Variants in PRDM7 observed in about 807,000 individuals in gnomAD.
PRDM7 encodes histone-lysine N-methyltransferase PRDM7.
PRDM7 carries 52 observed loss-of-function variants against 64.3 expected under a neutral mutation model. The observed-to-expected ratio is 0.81, with a 90% CI of 0.65 to 1.02. The LOEUF is 1.02. PRDM7 is among the 50% of genes least tolerant of loss of function. The pLI, the probability that PRDM7 is intolerant of heterozygous loss-of-function variation, is 0.00. For missense variants in PRDM7, 574 were observed against 597.1 expected (o/e 0.96, Z 0.40); for synonymous variants, 192 against 210.1 (o/e 0.91, Z 0.74).
At chr16:90,061,649 C>T in intron 8 of PRDM7, 130 bp from the exon 9 acceptor site, 1 of 1,194,554 alleles carries the variant, frequency 8.4e-7, no homozygotes, top group Non-Finnish European at 1.2e-6. Flanking sequence ...ATGGCATGCA[C>T]CTTAGTCATC....
intron 1 of PRDM7, among the ~76,000 whole-genome samples, chr16:90,076,496 T>C (rs952762282): frequency 5.3e-5 from 8 of 152,106 alleles, no homozygotes; most frequent in Non-Finnish European, 1.2e-4. Context: ...AAGCTATCTC[T>C]CAGGTTGAGA....
At chr16:90,061,365 T>C (rs2037773411) in intron 9 of PRDM7, 87 bp downstream of exon 9, 14 of 1,358,600 alleles carry the variant, frequency 1.0e-5, no homozygotes, top group South Asian at 9.8e-5. Context: ...GTGAAAATCA[T>C]TGAGGGAGGC....
chr16:90,074,880 T>TAAAA, intron 4 of PRDM7, 36 bp downstream of exon 4: 1 of 1,288,626 alleles, frequency 7.8e-7, no homozygotes, highest in Non-Finnish European at 1.1e-6. Flanking sequence ...ACTCCGTCTT[T>TAAAA]AAAAAAAAAA....
Position 90,066,917 on chromosome 16 carries a change from G to T in PRDM7, c.302-7C>A. ...GCCATCCAAGGAGGTTTGACTAAGA[G>T]GTGATGAGAAATCAGTGGTTTGGTT... On this transcript the variant is annotated splice_polypyrimidine_tract_variant and splice_region_variant and intron_variant, in intron 4 of 10. Coordinates refer to ENST00000449207, the MANE Select transcript of PRDM7 (RefSeq NM_001098173.2). 1 of 1,591,010 alleles carries T rather than the reference G, an allele frequency of 6.3e-7. No homozygotes were observed. The highest frequency in any genetic ancestry group is 8.6e-7 in the Non-Finnish European group (1 of 1,161,766).
rs1338288251 is a variant in PRDM7 at position 90,075,083 on chromosome 16, C to T, written c.194-60G>A. 6.4e-7 allele frequency: 1 copy of T among 1,573,626 alleles called. No homozygotes were observed. Among genetic ancestry groups the T allele is most frequent in the Non-Finnish European group, 8.7e-7 (1 of 1,144,416 alleles). On this transcript the variant is annotated intron_variant, in intron 3 of 10. Transcript: ENST00000449207. This position sits in a 1 kb window ranked among gnomAD's most constrained non-coding sequence, Gnocchi z 4.3. The stretch of plus-strand genomic sequence containing the variant: ...AAGAGCTGGGATGAGGAACAAAGGG[C>T]AGTGGCAATGGAAAGCACCACAAAG...
Position 90,060,406 on chromosome 16 carries a change from T to G in PRDM7, c.1168A>C (p.Ser390Arg). 3.7e-6 allele frequency: 6 copies of G among 1,613,938 alleles called. No homozygotes were observed. Among genetic ancestry groups the G allele is most frequent in the Non-Finnish European group, 5.1e-6 (6 of 1,179,874 alleles). ...AVNCWSGMGM[S>R]MARNWASSGA... ...CTTGATGCCCAGTTCCTGGCCATACTCATCCCCATACCAGACCAGCAGTTC... is the reference window on the plus strand; with the variant it reads ...CTTGATGCCCAGTTCCTGGCCATACGCATCCCCATACCAGACCAGCAGTTC... The change falls in exon 10 of 11, where the codon AGT (serine) becomes CGT (arginine). Residue 390 changes from serine to arginine, a missense_variant. Physicochemically the swap from Ser to Arg is moderately radical, Grantham distance 110 (BLOSUM62 -1). Coordinates refer to ENST00000449207, the MANE Select transcript of PRDM7 (RefSeq NM_001098173.2).
In PRDM7 at chr16:90,063,647, G is replaced by C. The variant is rs1401545386; in HGVS notation, c.473C>G (p.Ala158Gly). The change falls in exon 6 of 11, where the codon GCA (alanine) becomes GGA (glycine). Residue 158 changes from alanine to glycine, a missense_variant. Transcript: ENST00000449207. ...AQKPVSPPGEASTSGQHSRLK... is the reference protein window; with the variant it reads ...AQKPVSPPGEGSTSGQHSRLK... ...TCTAGAGTGCTGTCCAGAGGTACTT[G>C]CTTCTCCAGGAGGGGACACTGGTTT... 3.1e-6 allele frequency: 5 copies of C among 1,613,826 alleles called. No homozygotes were observed. In the South Asian group the frequency reaches 4.4e-5, roughly 14 times the overall value.
chr16:90,071,551 G>A (rs2037956021), intron 4 of PRDM7, among the ~76,000 whole-genome samples: 1 of 152,144 alleles, frequency 6.6e-6, no homozygotes, highest in African/African-American at 2.4e-5. Context: ...ATGGTAGAAG[G>A]GTAAGTGTGC....
chr16:90,075,725 C>T lies in PRDM7; in HGVS notation c.69+117G>A. 1 of 1,379,386 alleles carries T rather than the reference C, an allele frequency of 7.2e-7. No individual in the cohort carries two copies. Among genetic ancestry groups the T allele is most frequent in the Non-Finnish European group, 1.0e-6 (1 of 991,552 alleles). The allele number at this position is 1,379,386 out of a possible 1,614,324, so 85.4% of individuals were successfully genotyped here. A position where few individuals can be genotyped will look rare whatever the true frequency, so the allele number is the denominator to read the frequency against. ...TCCCCCATGTCCTGGCCAGGACCAGCTGCCCCCATTCCATGCACATTCAGA... is the reference window on the plus strand; with the variant it reads ...TCCCCCATGTCCTGGCCAGGACCAGTTGCCCCCATTCCATGCACATTCAGA... On this transcript the variant is annotated intron_variant, in intron 2 of 10. Transcript: ENST00000449207. This position sits in a 1 kb window ranked among gnomAD's most constrained non-coding sequence, Gnocchi z 4.3.
Position 90,060,515 on chromosome 16 carries a change from C to A in PRDM7, c.1059G>T (p.Leu353=), listed in dbSNP as rs768810236. The A allele has an allele frequency of 1.2e-6, 2 of 1,614,018 alleles. No homozygotes were observed. The highest frequency in any genetic ancestry group is 4.5e-5 in the East Asian group (2 of 44,880). ...CATACTCATCCCCAGACCAGACCAGCAGTTCACAGCCTGGCCTAATGACTC... is the reference window on the plus strand; with the variant it reads ...CATACTCATCCCCAGACCAGACCAGAAGTTCACAGCCTGGCCTAATGACTC... ...TCRVIRPGCE[L]LVWSGDEYGQ... Residue 353 remains leucine, a synonymous_variant, in exon 10 of 11, where the codon CTG becomes CTT. Transcript: ENST00000449207.
chr16:90,063,737 G>A lies in PRDM7; in HGVS notation c.383C>T (p.Ser128Phe). Residue 128 changes from serine to phenylalanine, a missense_variant, in exon 6 of 11, where the codon TCT becomes TTT. Coordinates refer to ENST00000449207, the MANE Select transcript of PRDM7 (RefSeq NM_001098173.2). Reference protein sequence around the residue: ...GMPKASFNNESSLRELSGTPN... With the variant: ...GMPKASFNNEFSLRELSGTPN... Reference sequence around the variant, plus strand: ...CGTTCCTGACAATTCTCTCAAACTAGATTCATTATTGAATGACGCCTTGGG... The same window carrying A: ...CGTTCCTGACAATTCTCTCAAACTAAATTCATTATTGAATGACGCCTTGGG... 1 of 1,614,154 alleles carries A rather than the reference G, an allele frequency of 6.2e-7. No homozygotes were observed. The highest frequency in any genetic ancestry group is 2.2e-5 in the East Asian group (1 of 44,884).
chr16:90,075,721 C>T lies in PRDM7; in HGVS notation c.69+121G>A. The T allele has an allele frequency of 1.5e-6, 2 of 1,366,450 alleles. No homozygotes were observed. Among genetic ancestry groups the T allele is most frequent in the Middle Eastern group, 3.6e-4 (2 of 5,572 alleles). The allele number at this position is 1,366,450 out of a possible 1,614,324, so 84.6% of individuals were successfully genotyped here. A position where few individuals can be genotyped will look rare whatever the true frequency, so the allele number is the denominator to read the frequency against. On this transcript the variant is annotated intron_variant, in intron 2 of 10. Coordinates refer to ENST00000449207, the MANE Select transcript of PRDM7 (RefSeq NM_001098173.2). The surrounding 1 kb of genome is among the most constrained non-coding windows in gnomAD (Gnocchi z 4.3). ...TTTCTCCCCCATGTCCTGGCCAGGA[C>T]CAGCTGCCCCCATTCCATGCACATT...
chr16:90,077,117 G>A (rs2038048211), intron 1 of PRDM7, 109 bp downstream of exon 1: 2 of 152,164 alleles, frequency 1.3e-5, no homozygotes, highest in Non-Finnish European at 2.9e-5. Context: ...ATCCCTCAAG[G>A]TGGCAGGATT....
chr16:90,068,647 A>AG, intron 4 of PRDM7, among the ~76,000 whole-genome samples: 2 of 151,212 alleles, frequency 1.3e-5, no homozygotes, highest in East Asian at 3.9e-4. Context: ...AAAAAAAAAA[A>AG]AAAAAGAAGT....
At chr16:90,064,323 TTCTACTTG>T (rs1344879611) in intron 5 of PRDM7, among the ~76,000 whole-genome samples, 2 of 152,226 alleles carry the variant, frequency 1.3e-5, no homozygotes, top group East Asian at 3.8e-4. Flanking sequence ...CCTGTACCAA[TTCTACTTG>T]TCTGCTTGAA....
At chr16:90,066,198 A>T (rs2037869977) in intron 5 of PRDM7, among the ~76,000 whole-genome samples, 1 of 151,328 alleles carries the variant, frequency 6.6e-6, no homozygotes, top group Non-Finnish European at 1.5e-5. Flanking sequence ...GAAACCCTTC[A>T]GGGCTGGAAG....
intron 4 of PRDM7, among the ~76,000 whole-genome samples, chr16:90,068,956 A>G (rs2037918643): frequency 6.6e-6 from 1 of 151,360 alleles, no homozygotes; most frequent in Non-Finnish European, 1.5e-5. Context: ...TTATAGATTC[A>G]ATGTCCTGTC....
intron 4 of PRDM7, among the ~76,000 whole-genome samples, chr16:90,072,447 G>A (rs2037974410): frequency 6.6e-6 from 1 of 152,162 alleles, no homozygotes; most frequent in South Asian, 2.1e-4. Flanking sequence ...GTGAATCTTG[G>A]GAACATTCTG....
intron 8 of PRDM7, 139 bp downstream of exon 8, chr16:90,061,782 T>C (rs2037781978): frequency 1.4e-6 from 2 of 1,393,812 alleles, no homozygotes; most frequent in Non-Finnish European, 2.0e-6. Context: ...GAGTTCCATG[T>C]TCATGCAAAG....
Sources: gnomAD v4.1 joint callset for allele counts (sites outside exome capture counted in the v4.1 genomes callset) on GRCh38, gnomAD v4.1.1 for gene constraint, Gnocchi (gnomAD v3.1) non-coding constraint, MANE v1.5 for transcripts, NCBI Gene and HGNC (gene_info 2026-07-23, HGNC 2026-07-21) for gene names.